The following RB1 variants were observed in gnomAD, a reference collection of about 807,000 sequenced individuals.
RB1 encodes the protein retinoblastoma-associated protein.
A neutral mutation model predicts 135.4 loss-of-function variants in RB1; 18 were observed. The observed-to-expected ratio is 0.13, with a 90% confidence interval of 0.09 to 0.20. The LOEUF (loss-of-function observed/expected upper bound fraction) is 0.20. RB1 is among the 10% of genes least tolerant of loss of function. The probability of loss-of-function intolerance (pLI) is 1.00; values close to 1 mark genes in which losing one functional copy is unlikely to be tolerated. For synonymous variants in RB1, 365 were observed against 373.2 expected (o/e 0.98, Z 0.25); for missense variants, 868 against 1,110.0 (o/e 0.78, Z 3.10).
intron 17 of RB1, among the ~76,000 whole-genome samples, chr13:48,409,931 T>A (rs1249726797): frequency 6.6e-6 from 1 of 152,170 alleles, no homozygotes; most frequent in Admixed American, 6.5e-5. Context: ...TTTAGTGTAC[T>A]TGGTACTTTT....
At chr13:48,450,281 A>C (rs1197911860) in intron 17 of RB1, among the ~76,000 whole-genome samples, 2 of 152,072 alleles carry the variant, frequency 1.3e-5, no homozygotes, top group Non-Finnish European at 2.9e-5. Context: ...TAAGTCTTTA[A>C]TTCATCTTGA....
intron 2 of RB1, among the ~76,000 whole-genome samples, chr13:48,310,170 G>A (rs575099797): frequency 1.3e-5 from 2 of 152,230 alleles, no homozygotes; most frequent in African/African-American, 4.8e-5. Flanking sequence ...TTTGGCCTGA[G>A]AATTTAACCT....
At chr13:48,426,005 T>A (rs989869475) in intron 17 of RB1, among the ~76,000 whole-genome samples, 3 of 152,178 alleles carry the variant, frequency 2.0e-5, no homozygotes, top group African/African-American at 4.8e-5. Flanking sequence ...CTTATACATG[T>A]TTGTATAATG....
intron 17 of RB1, among the ~76,000 whole-genome samples, chr13:48,386,929 C>CGAAAAATTT (rs1255409478): frequency 6.6e-6 from 1 of 152,050 alleles, no homozygotes; most frequent in African/African-American, 2.4e-5. Flanking sequence ...TCTTAAAATA[C>CGAAAAATTT]GAAAAATTTA....
At chr13:48,461,686 G>A (rs1251261915) in intron 20 of RB1, among the ~76,000 whole-genome samples, 1 of 151,688 alleles carries the variant, frequency 6.6e-6, no homozygotes. Flanking sequence ...AGCCATCCTA[G>A]TGGGTATAAA....
chr13:48,328,391 T>A, intron 2 of RB1: 1 of 1,512,826 alleles, frequency 6.6e-7, no homozygotes. Context: ...TCTGACTACC[T>A]ATGGCAAATC....
At chr13:48,457,690 C>A (rs1230443693) in intron 19 of RB1, among the ~76,000 whole-genome samples, 2 of 152,250 alleles carry the variant, frequency 1.3e-5, no homozygotes, top group Admixed American at 6.5e-5. Context: ...CGGCTTCCCC[C>A]CCGTGCTCGT....
Position 48,381,263 on chromosome 13 carries a change from T to A in RB1, c.1515T>A (p.Asn505Lys), listed in dbSNP as rs2138144897. The A allele has an allele frequency of 6.2e-7, 1 of 1,610,080 alleles. No individual in the cohort carries two copies. Among genetic ancestry groups the A allele is most frequent in the Non-Finnish European group, 8.5e-7 (1 of 1,178,506 alleles). ...CATTTTTAGGAAGTACATCTCAGAA[T>A]CTTGATTCTGGAACAGATTTGTCTT... is the stretch of plus-strand genomic sequence containing the variant. ...MATYSRSTSQ[N>K]LDSGTDLSFP... The change falls in exon 17 of 27, where the codon AAT becomes AAA. Residue 505 changes from asparagine (N) to lysine (K), a missense_variant. By Grantham distance (94) the Asn-to-Lys change is moderately conservative (BLOSUM62 0). Coordinates refer to ENST00000267163, the MANE Select transcript of RB1 (RefSeq NM_000321.3).
chr13:48,400,142 T>C (rs958593759), intron 17 of RB1, among the ~76,000 whole-genome samples: 2 of 152,148 alleles, frequency 1.3e-5, no homozygotes, highest in African/African-American at 4.8e-5. Flanking sequence ...TGGAAGTTTG[T>C]CTGATAATTA....
intron 2 of RB1, among the ~76,000 whole-genome samples, chr13:48,339,532 T>C (rs753377552): frequency 2.0e-5 from 3 of 152,174 alleles, no homozygotes; most frequent in Non-Finnish European, 4.4e-5. Flanking sequence ...AAGCGCAGTA[T>C]TAGGGTGGGA....
chr13:48,351,345 C>CT (rs34862019), intron 6 of RB1, among the ~76,000 whole-genome samples: 6 of 151,900 alleles, frequency 3.9e-5, no homozygotes, highest in Non-Finnish European at 8.8e-5. Context: ...TGATATGGAG[C>CT]TTTTTTTTCA....
intron 9 of RB1, 121 bp from the exon 10 acceptor site, chr13:48,367,373 G>A (rs1461610756): frequency 9.5e-7 from 1 of 1,049,154 alleles, no homozygotes; most frequent in South Asian, 1.5e-5. Flanking sequence ...TGCGAACTCA[G>A]TGTATATTAC....
intron 2 of RB1, among the ~76,000 whole-genome samples, chr13:48,311,434 G>A (rs1952129746): frequency 6.6e-6 from 1 of 152,158 alleles, no homozygotes; most frequent in Non-Finnish European, 1.5e-5. Context: ...AAACCTGGAT[G>A]GTATAGCCTA....
chr13:48,456,438 A>G (rs2138332054), intron 19 of RB1, 89 bp downstream of exon 19: 1 of 1,521,416 alleles, frequency 6.6e-7, no homozygotes, highest in Non-Finnish European at 8.9e-7. Context: ...TAGGTACATT[A>G]CTGGGCAAGT....
chr13:48,334,963 G>A (rs748881001), intron 2 of RB1, among the ~76,000 whole-genome samples: 7 of 152,000 alleles, frequency 4.6e-5, no homozygotes, highest in Non-Finnish European at 8.8e-5. Flanking sequence ...TGTAAATGTA[G>A]CACTTATTGA....
intron 2 of RB1, among the ~76,000 whole-genome samples, chr13:48,322,474 A>G (rs1054794499): frequency 2.0e-5 from 3 of 152,206 alleles, no homozygotes; most frequent in Admixed American, 1.3e-4. Flanking sequence ...TCATTTGCAA[A>G]TAGAGATAGT....
intron 17 of RB1, among the ~76,000 whole-genome samples, chr13:48,429,760 G>T (rs1344041643): frequency 6.6e-6 from 1 of 152,086 alleles, no homozygotes; most frequent in African/African-American, 2.4e-5. Context: ...GACAATTTAT[G>T]TACCAGCAGT....
rs113432974 is a variant in RB1, at chr13:48,459,788, C to T, written c.2061C>T (p.Thr687=). 17 of 1,613,894 alleles carry T rather than the reference C, an allele frequency of 1.1e-5. No individual in the cohort carries two copies. The African/African-American group carries it at 1.5e-4, about 14-fold the overall frequency. ...EHIIWTLFQH[T]LQNEYELMRD... ...TCATCTGGACCCTTTTCCAGCACACCCTGCAGAATGAGTATGAACTCATGA... is the reference window on the plus strand; with the variant it reads ...TCATCTGGACCCTTTTCCAGCACACTCTGCAGAATGAGTATGAACTCATGA... The change falls in exon 20 of 27, where the codon ACC becomes ACT. Residue 687 remains threonine (T), a synonymous_variant. Coordinates refer to ENST00000267163, the MANE Select transcript of RB1 (RefSeq NM_000321.3).
chr13:48,309,628 A>G (rs7335291), intron 2 of RB1, among the ~76,000 whole-genome samples: 1,595 of 152,288 alleles, frequency 0.01, 74 homozygotes, highest in Admixed American at 0.08. Flanking sequence ...CTAAAATACT[A>G]GATTTTTAGT....
Sources: allele counts gnomAD v4.1 joint callset (sites outside exome capture counted in the v4.1 genomes callset), GRCh38; gene constraint gnomAD v4.1.1; transcripts MANE v1.5; gene names NCBI Gene and HGNC (gene_info 2026-07-23, HGNC 2026-07-21).